Variants in ZNF486 observed in about 807,000 individuals in gnomAD.
ZNF486 encodes the protein zinc finger protein 486.
Under a neutral mutation model 12.8 loss-of-function variants are expected in ZNF486, and 12 were observed. The ratio of observed to expected loss-of-function variants is 0.94; its 90% CI spans 0.60 to 1.52. ZNF486 has a LOEUF of 1.52. Among genes scored for constraint, ZNF486 ranks in the 40% most tolerant of loss-of-function variants. ZNF486 has a pLI of 0.00. For missense variants in ZNF486, 738 were observed against 545.0 expected, an observed-to-expected ratio of 1.35 and a Z score of -3.53; for synonymous variants, 231 against 184.9, an observed-to-expected ratio of 1.25 and a Z score of -2.02.
rs1192644279 is a variant in ZNF486, at chr19:20,198,973, A to C, written c.*871A>C. The C allele has an allele frequency of 6.6e-6, 1 of 152,310 alleles. No homozygotes were observed. Among genetic ancestry groups the C allele is most frequent in the African/African-American group, 2.4e-5 (1 of 41,448 alleles). 9.4% of individuals were successfully genotyped at this position (152,310 alleles called of 1,614,324 possible). A position where few individuals can be genotyped will look rare whatever the true frequency, so the allele number is the denominator to read the frequency against. ...ACACCATAGAAATGTATGAAATGTGACAAAGCCTTTATATGGTTGCCACAC... is the reference window on the plus strand; with the variant it reads ...ACACCATAGAAATGTATGAAATGTGCCAAAGCCTTTATATGGTTGCCACAC... On this transcript the variant is annotated 3_prime_UTR_variant, in exon 4 of 4. Transcript: ENST00000335117.
At chr19:20,188,728 A>G in intron 3 of ZNF486, 1 of 338,164 alleles carries the variant, frequency 3.0e-6, no homozygotes, top group Non-Finnish European at 5.3e-6. Flanking sequence ...GACACTTTAC[A>G]TCTTGTAAAA....
intron 1 of ZNF486, among the ~76,000 whole-genome samples, chr19:20,181,491 A>C (rs1555715578): frequency 6.6e-6 from 1 of 151,214 alleles, no homozygotes. Context: ...GTGAGCCCAG[A>C]TCGCGCCACT....
At chr19:20,193,940 TG>T (rs1555717557) in intron 3 of ZNF486, among the ~76,000 whole-genome samples, 1 of 152,164 alleles carries the variant, frequency 6.6e-6, no homozygotes, top group Non-Finnish European at 1.5e-5. Flanking sequence ...TATTTGAATG[TG>T]GTAAAAAAAT....
chr19:20,192,073 A>G (rs566183366), intron 3 of ZNF486, among the ~76,000 whole-genome samples: 135 of 152,312 alleles, frequency 8.9e-4, no homozygotes, highest in African/African-American at 3.1e-3. Flanking sequence ...TTACCATAAT[A>G]TAATATCATT....
intron 3 of ZNF486, among the ~76,000 whole-genome samples, chr19:20,191,795 A>G (rs2089906185): frequency 1.3e-5 from 2 of 152,050 alleles, no homozygotes; most frequent in Non-Finnish European, 2.9e-5. Context: ...AAGAAAAAGA[A>G]ATTATGCAGT....
intron 1 of ZNF486, among the ~76,000 whole-genome samples, chr19:20,183,401 A>G (rs1320101053): frequency 3.3e-5 from 5 of 152,252 alleles, no homozygotes; most frequent in Admixed American, 3.3e-4. Context: ...AATTATTAGG[A>G]GATACCTGCT....
In ZNF486 at chr19:20,197,412, A is replaced by G; in HGVS notation, c.702A>G (p.Arg234=). The part of the protein sequence containing the change: ...HLTTHKITHT[R]EKPYKCEECG... ...CTACACATAAGATAACTCATACTAG[A>G]GAGAAACCCTACAAATGTGAAGAAT... Residue 234 remains arginine, a synonymous_variant, in exon 4 of 4, where the codon AGA becomes AGG. Coordinates refer to ENST00000335117, the MANE Select transcript of ZNF486 (RefSeq NM_052852.4). 1.2e-6 allele frequency: 2 copies of G among 1,613,778 alleles called. No homozygotes were observed. The highest frequency in any genetic ancestry group is 1.7e-6 in the Non-Finnish European group (2 of 1,179,810).
At chr19:20,185,431 G>A (rs1456972963) in intron 2 of ZNF486, among the ~76,000 whole-genome samples, 2 of 96,028 alleles carry the variant, frequency 2.1e-5, no homozygotes, top group Non-Finnish European at 3.9e-5. Context: ...TTTTTTTTGA[G>A]ATGGAGTCTC....
chr19:20,186,175 G>A, intron 3 of ZNF486, 93 bp downstream of exon 3: 1 of 868,060 alleles, frequency 1.2e-6, no homozygotes. Flanking sequence ...GATCTGGGAA[G>A]CTGTGTTCCA....
chr19:20,179,233 A>G lies in ZNF486; in HGVS notation c.31-5123A>G, dbSNP rs140647724. Among the ~76,000 whole-genome samples the G allele has an allele frequency of 6.1e-3, 925 of 152,114 alleles. 5 individuals are homozygous for G. The highest frequency in any genetic ancestry group is 7.9e-3 in the Non-Finnish European group (538 of 67,956). On this transcript the variant is annotated intron_variant, in intron 1 of 3. Transcript: ENST00000335117. The stretch of plus-strand genomic sequence containing the variant: ...AACTAATGATGCCACATTGGACACT[A>G]TCCCATGCCCTAAAACATAATGATA...
chr19:20,197,066 A>G lies in ZNF486; in HGVS notation c.356A>G (p.Asn119Ser), dbSNP rs1250486175. 1.9e-6 allele frequency: 3 copies of G among 1,612,576 alleles called. No individual in the cohort carries two copies. The highest frequency in any genetic ancestry group is 4.5e-5 in the East Asian group (2 of 44,844). Residue 119 changes from asparagine to serine, a missense_variant, in exon 4 of 4, where the codon AAT becomes AGT. Physicochemically the swap from Asn to Ser is conservative, Grantham distance 46. Coordinates refer to ENST00000335117, the MANE Select transcript of ZNF486 (RefSeq NM_052852.4). ...LRKFEKCGHG[N>S]LHFKKGCESV... ...AAATTTGAAAAATGTGGACATGGCA[A>G]TTTACACTTTAAAAAAGGCTGTGAA... is the stretch of plus-strand genomic sequence containing the variant.
chr19:20,172,123 C>T (rs1015450952), intron 1 of ZNF486, among the ~76,000 whole-genome samples: 10 of 152,100 alleles, frequency 6.6e-5, no homozygotes, highest in Admixed American at 2.6e-4. Context: ...CCTGCCTCAG[C>T]CTCCCAAGTA....
In ZNF486 at chr19:20,167,262, T is replaced by C. The variant is rs1568313529; in HGVS notation, c.-69T>C. On this transcript the variant is annotated 5_prime_UTR_variant, in exon 1 of 4. Coordinates refer to ENST00000335117, the MANE Select transcript of ZNF486 (RefSeq NM_052852.4). ...TAGGTCGCCTCTTCGCTACTCTGTG[T>C]CCTCTGCTCCTAGAGGCCCACCCTC... 6.3e-7 allele frequency: 1 copy of C among 1,598,278 alleles called. No homozygotes were observed. Among genetic ancestry groups the C allele is most frequent in the Non-Finnish European group, 8.6e-7 (1 of 1,165,702 alleles).
At chr19:20,168,162 C>T (rs1037123898) in intron 1 of ZNF486, among the ~76,000 whole-genome samples, 1 of 148,696 alleles carries the variant, frequency 6.7e-6, no homozygotes, top group Non-Finnish European at 1.5e-5. Flanking sequence ...GAGTTCTAGA[C>T]CATCCTGGCC....
chr19:20,196,254 G>A (rs2089957272), intron 3 of ZNF486, among the ~76,000 whole-genome samples: 1 of 152,150 alleles, frequency 6.6e-6, no homozygotes, highest in East Asian at 1.9e-4. Flanking sequence ...GACCTCAGGT[G>A]ATCCTCATGC....
chr19:20,192,491 A>T (rs989031864), intron 3 of ZNF486, among the ~76,000 whole-genome samples: 1 of 152,134 alleles, frequency 6.6e-6, no homozygotes, highest in Admixed American at 6.5e-5. Flanking sequence ...TATTTTAGGT[A>T]GAGATGGGAT....
At chr19:20,180,626 T>C (rs1314616980) in intron 1 of ZNF486, among the ~76,000 whole-genome samples, 1 of 152,138 alleles carries the variant, frequency 6.6e-6, no homozygotes, top group African/African-American at 2.4e-5. Flanking sequence ...CAGGCATGAG[T>C]GCAGTGACAT....
chr19:20,184,253 C>G, intron 1 of ZNF486, 103 bp from the exon 2 acceptor site: 4 of 1,530,938 alleles, frequency 2.6e-6, no homozygotes, highest in Non-Finnish European at 3.5e-6. Flanking sequence ...TTTAGTCAAT[C>G]CTATAAGTAA....
intron 1 of ZNF486, among the ~76,000 whole-genome samples, chr19:20,172,915 A>G (rs538918140): frequency 2.0e-5 from 3 of 152,334 alleles, no homozygotes; most frequent in South Asian, 4.1e-4. Flanking sequence ...TGCTGGGATT[A>G]CAGTCATGAG....
Sources: allele counts gnomAD v4.1 joint callset (sites outside exome capture counted in the v4.1 genomes callset), GRCh38; gene constraint gnomAD v4.1.1; transcripts MANE v1.5; gene names NCBI Gene and HGNC (gene_info 2026-07-23, HGNC 2026-07-21).